SHROOM3: variants seen among roughly 807,000 people sequenced by gnomAD.
SHROOM3 encodes shroom family member 3.
In SHROOM3, 47 loss-of-function variants were observed where a neutral mutation model predicts 138.6. The observed-to-expected ratio is 0.34, with a 90% CI of 0.27 to 0.43. The LOEUF is 0.43. SHROOM3 is among the 20% of genes least tolerant of loss of function. The pLI, the probability that SHROOM3 is intolerant of heterozygous loss-of-function variation, is 1.00. For missense variants in SHROOM3, 2,491 were observed against 2,596.5 expected (o/e 0.96, Z 0.88); for synonymous variants, 1,062 against 1,063.3 (o/e 1.00, Z 0.02).
chr4:76,686,382 A>T (rs935191938), intron 2 of SHROOM3, among the ~76,000 whole-genome samples: 2 of 152,258 alleles, frequency 1.3e-5, no homozygotes, highest in South Asian at 2.1e-4. Context: ...AATATATATA[A>T]AAAAAGCTAA....
intron 2 of SHROOM3, among the ~76,000 whole-genome samples, chr4:76,682,035 T>C (rs1411948321): frequency 6.6e-6 from 1 of 152,180 alleles, no homozygotes; most frequent in Non-Finnish European, 1.5e-5. Context: ...ACTTTCCCTC[T>C]GGCTCTCCTT....
intron 2 of SHROOM3, among the ~76,000 whole-genome samples, chr4:76,562,430 A>G (rs896882466): frequency 6.6e-6 from 1 of 152,170 alleles, no homozygotes; most frequent in Non-Finnish European, 1.5e-5. Context: ...GTGACCTTAT[A>G]TTTCTAGATT....
At chr4:76,594,853 A>G (rs915300057) in intron 2 of SHROOM3, among the ~76,000 whole-genome samples, 2 of 152,350 alleles carry the variant, frequency 1.3e-5, no homozygotes, top group East Asian at 3.9e-4. Context: ...GCCAGTATCT[A>G]AGGGAACATT....
At position 76,737,957 on chromosome 4, in the gene SHROOM3, C is replaced by T. The variant is rs542669620; in HGVS notation, c.588-804C>T. 3.0e-4 allele frequency among the ~76,000 whole-genome samples: 45 copies of T among 152,236 alleles called. No individual in the cohort carries two copies. The South Asian group carries it at 6.7e-3, about 22-fold the overall frequency. On this transcript the variant is annotated intron_variant, in intron 4 of 10. Transcript: ENST00000296043. The stretch of plus-strand genomic sequence containing the variant: ...GATAGTCTTTTTCCTCTTCTCCAGA[C>T]GGGCTCTGAAAACCATCTGGAGGAG...
chr4:76,647,973 A>G (rs757903323), intron 2 of SHROOM3, among the ~76,000 whole-genome samples: 10 of 152,268 alleles, frequency 6.6e-5, no homozygotes, highest in Non-Finnish European at 7.4e-5. Context: ...TCTTTCTTAC[A>G]TATCAGTTTT....
At chr4:76,580,575 C>T (rs1033622350) in intron 2 of SHROOM3, among the ~76,000 whole-genome samples, 9 of 151,328 alleles carry the variant, frequency 5.9e-5, no homozygotes, top group Admixed American at 2.0e-4. Flanking sequence ...TACAGGCATG[C>T]GCCACCACAC....
chr4:76,679,580 T>C (rs940543544), intron 2 of SHROOM3, among the ~76,000 whole-genome samples: 4 of 152,184 alleles, frequency 2.6e-5, no homozygotes, highest in African/African-American at 7.2e-5. Context: ...AAAAAAAAGC[T>C]TCCATTAGAA....
chr4:76,512,369 T>G (rs932920913), intron 1 of SHROOM3, among the ~76,000 whole-genome samples: 1 of 152,170 alleles, frequency 6.6e-6, no homozygotes, highest in Non-Finnish European at 1.5e-5. Context: ...GAGCCTTTTT[T>G]TTTCAGAGAG....
At chr4:76,459,569 A>G (rs1045381097) in intron 1 of SHROOM3, among the ~76,000 whole-genome samples, 4 of 151,662 alleles carry the variant, frequency 2.6e-5, no homozygotes, top group African/African-American at 4.8e-5. Flanking sequence ...GTACACGGAG[A>G]AAAAAAAATC....
chr4:76,496,442 G>A (rs1731970546), intron 1 of SHROOM3, among the ~76,000 whole-genome samples: 1 of 152,224 alleles, frequency 6.6e-6, no homozygotes, highest in East Asian at 1.9e-4. Context: ...ATTTCCCAAG[G>A]AGACCCTTTT....
chr4:76,596,581 A>ACACACAC (rs1734391932), intron 2 of SHROOM3, among the ~76,000 whole-genome samples: 1 of 138,134 alleles, frequency 7.2e-6, no homozygotes, highest in Admixed American at 7.3e-5. Context: ...GGTACAGAGA[A>ACACACAC]ACACACACAC....
intron 2 of SHROOM3, among the ~76,000 whole-genome samples, chr4:76,642,364 A>G (rs980262934): frequency 2.0e-5 from 3 of 152,174 alleles, no homozygotes; most frequent in Non-Finnish European, 2.9e-5. Context: ...TCAAATTAGA[A>G]CAAGGGCCAG....
intron 3 of SHROOM3, among the ~76,000 whole-genome samples, chr4:76,726,984 C>T (rs773366691): frequency 4.6e-5 from 7 of 152,158 alleles, no homozygotes; most frequent in Non-Finnish European, 1.0e-4. Context: ...CTTAGTGTCA[C>T]GTGGTGCTGG....
intron 2 of SHROOM3, among the ~76,000 whole-genome samples, chr4:76,700,113 C>T (rs1316889191): frequency 6.6e-6 from 1 of 152,084 alleles, no homozygotes; most frequent in East Asian, 1.9e-4. Flanking sequence ...CCATATGGGG[C>T]CAAGGAAGAA....
Position 76,754,622 on chromosome 4 carries a change from C to T in SHROOM3, c.4139C>T (p.Pro1380Leu). 6.2e-7 allele frequency: 1 copy of T among 1,614,170 alleles called. No homozygotes were observed. Among genetic ancestry groups the T allele is most frequent in the Non-Finnish European group, 8.5e-7 (1 of 1,180,024 alleles). Reference sequence around the variant, plus strand: ...CAGACAGGGCGACAGCCTCTCCCGCCCTACACCCCTGCCATGATGCACAGA... The same window carrying T: ...CAGACAGGGCGACAGCCTCTCCCGCTCTACACCCCTGCCATGATGCACAGA... ...DGQTGRQPLP[P>L]YTPAMMHRSN... The change falls in exon 7 of 11, where the codon CCC becomes CTC. Residue 1380 changes from proline (P) to leucine (L), a missense_variant. Pro to Leu is a moderately conservative substitution (Grantham distance 98, BLOSUM62 -3). Around this residue, in one of 4 missense-constraint regions of SHROOM3, gnomAD observed 1,733 missense variants for 1,661.6 expected, o/e 1.04. Coordinates refer to ENST00000296043, the MANE Select transcript of SHROOM3 (RefSeq NM_020859.4).
intron 1 of SHROOM3, among the ~76,000 whole-genome samples, chr4:76,468,417 G>C (rs1731291979): frequency 6.6e-6 from 1 of 152,078 alleles, no homozygotes; most frequent in Non-Finnish European, 1.5e-5. Flanking sequence ...TTCTTGAAAA[G>C]GGCAAACAAA....
intron 2 of SHROOM3, among the ~76,000 whole-genome samples, chr4:76,634,787 G>C (rs530858475): frequency 6.6e-6 from 1 of 152,186 alleles, no homozygotes; most frequent in East Asian, 1.9e-4. Context: ...TATTATATAA[G>C]CAGGAAAAAA....
chr4:76,468,056 C>T (rs1206570257), intron 1 of SHROOM3, among the ~76,000 whole-genome samples: 2 of 152,184 alleles, frequency 1.3e-5, no homozygotes, highest in African/African-American at 2.4e-5. Context: ...GGAGCCAGAC[C>T]AGTTAAGAGT....
chr4:76,452,428 A>G (rs539775521), intron 1 of SHROOM3, among the ~76,000 whole-genome samples: 1 of 152,252 alleles, frequency 6.6e-6, no homozygotes, highest in Non-Finnish European at 1.5e-5. Context: ...CCGCCATTCT[A>G]CTTTCTGTCT....
Sources: allele counts gnomAD v4.1 joint callset (sites outside exome capture counted in the v4.1 genomes callset), GRCh38; gene constraint gnomAD v4.1.1; regional missense constraint gnomAD v4.1.1; transcripts MANE v1.5; gene names NCBI Gene and HGNC (gene_info 2026-07-23, HGNC 2026-07-21).